Variants in CSMD1 observed in about 807,000 individuals in gnomAD.
The protein encoded by CSMD1 is CUB and sushi domain-containing protein 1.
A neutral mutation model predicts 417.5 loss-of-function variants in CSMD1; 213 were observed. The observed-to-expected ratio is 0.51, with a 90% CI of 0.46 to 0.57. CSMD1 has a LOEUF of 0.57. Among genes scored for constraint, CSMD1 ranks in the 20% least tolerant of loss-of-function variants. CSMD1 has a pLI of 0.00. For synonymous variants in CSMD1, 2,862 were observed against 1,736.8 expected (o/e 1.65, Z -16.11); for missense variants, 6,923 against 4,529.7 (o/e 1.53, Z -15.17).
At position 4,310,970 on chromosome 8, in the gene CSMD1, C is replaced by T. The variant is rs567631613; in HGVS notation, c.415+108983G>A. ...CAGTGAGATACTATCTCCTACCAGT[C>T]GGAATGGCTACTGAAAAGTACAAAG... On this transcript the variant is annotated intron_variant, in intron 3 of 69. Transcript: ENST00000635120. Among the ~76,000 whole-genome samples, 15 of 152,228 alleles carry T rather than the reference C, an allele frequency of 9.9e-5. No homozygotes were observed. In the East Asian group the frequency reaches 1.9e-3, roughly 20 times the overall value.
intron 3 of CSMD1, among the ~76,000 whole-genome samples, chr8:4,049,670 TATAG>T (rs1798321992): frequency 6.6e-6 from 1 of 152,126 alleles, no homozygotes; most frequent in Non-Finnish European, 1.5e-5. Context: ...CAAGCATAGG[TATAG>T]ATATTTTTAT....
intron 3 of CSMD1, among the ~76,000 whole-genome samples, chr8:4,191,079 A>ACCCC (rs369268991): frequency 2.6e-5 from 4 of 152,144 alleles, no homozygotes; most frequent in African/African-American, 9.7e-5. Context: ...ATACACATGG[A>ACCCC]TTAAAATAAA....
intron 51 of CSMD1, among the ~76,000 whole-genome samples, chr8:3,024,407 G>C (rs1809699197): frequency 6.6e-6 from 1 of 151,936 alleles, no homozygotes; most frequent in South Asian, 2.1e-4. Flanking sequence ...CTGGGTTCAA[G>C]CGATTCTCCT....
chr8:3,247,890 G>A (rs1337718947), intron 26 of CSMD1, among the ~76,000 whole-genome samples: 4 of 152,186 alleles, frequency 2.6e-5, no homozygotes, highest in African/African-American at 9.7e-5. Context: ...TGGAATCCAT[G>A]CATTTTCATA....
intron 39 of CSMD1, among the ~76,000 whole-genome samples, chr8:3,157,139 G>A (rs778698866): frequency 6.6e-6 from 1 of 152,142 alleles, no homozygotes; most frequent in Non-Finnish European, 1.5e-5. Flanking sequence ...TACTGAGACA[G>A]TACCTGCAAG....
chr8:4,932,104 T>C (rs114744055), intron 1 of CSMD1, among the ~76,000 whole-genome samples: 2 of 152,208 alleles, frequency 1.3e-5, no homozygotes, highest in African/African-American at 4.8e-5. Flanking sequence ...CAATTTTCAT[T>C]TGGAATCTTT....
chr8:3,153,227 C>T (rs1016248117), intron 39 of CSMD1, among the ~76,000 whole-genome samples: 8 of 152,114 alleles, frequency 5.3e-5, no homozygotes, highest in Non-Finnish European at 8.8e-5. Flanking sequence ...TTACAAATGC[C>T]ACGGCAACGT....
At chr8:3,261,817 A>G (rs1025363623) in intron 26 of CSMD1, among the ~76,000 whole-genome samples, 3 of 152,164 alleles carry the variant, frequency 2.0e-5, no homozygotes, top group Non-Finnish European at 4.4e-5. Context: ...GAAGTACAGA[A>G]TAGATGAATG....
intron 3 of CSMD1, among the ~76,000 whole-genome samples, chr8:4,198,018 G>A (rs1187087382): frequency 6.6e-6 from 1 of 152,162 alleles, no homozygotes; most frequent in Admixed American, 6.5e-5. Context: ...TAAGAGTTGG[G>A]GGCACAGACT....
chr8:3,729,616 G>A (rs1026133114), intron 6 of CSMD1, among the ~76,000 whole-genome samples: 1 of 152,050 alleles, frequency 6.6e-6, no homozygotes, highest in African/African-American at 2.4e-5. Context: ...GCAGATCTTA[G>A]TGTGGAAAGA....
At chr8:4,389,909 CTG>C (rs1258505267) in intron 3 of CSMD1, among the ~76,000 whole-genome samples, 1 of 152,144 alleles carries the variant, frequency 6.6e-6, no homozygotes, top group Non-Finnish European at 1.5e-5. Context: ...CAGTTTTCCA[CTG>C]TTATAATTCT....
At chr8:3,961,901 G>T (rs749572383) in intron 5 of CSMD1, among the ~76,000 whole-genome samples, 7 of 152,184 alleles carry the variant, frequency 4.6e-5, no homozygotes, top group African/African-American at 1.7e-4. Context: ...GACTTCTTGA[G>T]TCATTGCTCA....
chr8:3,524,245 C>T lies in CSMD1; in HGVS notation c.1345-30519G>A, dbSNP rs1797655246. On this transcript the variant is annotated intron_variant, in intron 10 of 69. Transcript: ENST00000635120. The stretch of plus-strand genomic sequence containing the variant: ...TGCACACACATACACACATACACAC[C>T]CAGAGACATACACACAAGCACACAC... Among the ~76,000 whole-genome samples the T allele has an allele frequency of 2.1e-5, 3 of 143,278 alleles. No homozygotes were observed. The Admixed American group carries it at 2.1e-4, about 10-fold the overall frequency. 94.0% of individuals were successfully genotyped at this position (143,278 alleles called of 152,430 possible).
At chr8:4,083,657 G>T (rs1407561511) in intron 3 of CSMD1, among the ~76,000 whole-genome samples, 3 of 152,090 alleles carry the variant, frequency 2.0e-5, no homozygotes, top group Admixed American at 1.3e-4. Context: ...GCTGAAACTG[G>T]ATCCCTTCCT....
At chr8:4,049,983 C>T (rs995702429) in intron 3 of CSMD1, among the ~76,000 whole-genome samples, 4 of 152,144 alleles carry the variant, frequency 2.6e-5, no homozygotes, top group East Asian at 1.9e-4. Flanking sequence ...GGCAGCTTCT[C>T]GGACCTCCCT....
At chr8:3,999,627 G>C (rs1041734932) in intron 4 of CSMD1, among the ~76,000 whole-genome samples, 1 of 152,164 alleles carries the variant, frequency 6.6e-6, no homozygotes, top group Non-Finnish European at 1.5e-5. Context: ...CCCGGAGTTT[G>C]GAGTATTGCA....
chr8:3,560,240 G>A (rs560947072), intron 10 of CSMD1, among the ~76,000 whole-genome samples: 1 of 152,074 alleles, frequency 6.6e-6, no homozygotes, highest in Non-Finnish European at 1.5e-5. Flanking sequence ...TTAATAGAAG[G>A]ATAATATTAA....
intron 49 of CSMD1, among the ~76,000 whole-genome samples, 191 bp downstream of exon 49, chr8:3,086,906 T>C (rs931311568): frequency 1.3e-5 from 2 of 152,338 alleles, no homozygotes; most frequent in African/African-American, 4.8e-5. Flanking sequence ...CTTCTCCAAA[T>C]TCAGGCTATA....
chr8:4,939,279 T>A (rs1226738146), intron 1 of CSMD1, among the ~76,000 whole-genome samples: 2 of 152,238 alleles, frequency 1.3e-5, no homozygotes, highest in East Asian at 3.8e-4. Context: ...AACAACCATA[T>A]GATGCAGCAA....
Sources: allele counts gnomAD v4.1 joint callset (sites outside exome capture counted in the v4.1 genomes callset), GRCh38; gene constraint gnomAD v4.1.1; transcripts MANE v1.5; gene names NCBI Gene and HGNC (gene_info 2026-07-23, HGNC 2026-07-21).